PCDHGA4: variants seen among roughly 807,000 people sequenced by gnomAD.
The protein encoded by PCDHGA4 is protocadherin gamma-A4.
Under a neutral mutation model 54.6 loss-of-function variants are expected in PCDHGA4, and 38 were observed. The observed-to-expected ratio is 0.70, with a 90% CI of 0.54 to 0.91. The LOEUF (loss-of-function observed/expected upper bound fraction) is 0.91, where lower values mean the gene tolerates loss of function less well. Ranked by LOEUF, PCDHGA4 falls within the 40% of genes least tolerant of loss-of-function variation. The pLI is 0.00. For missense variants in PCDHGA4, 1,298 were observed against 1,220.9 expected (o/e 1.06, Z -0.94); for synonymous variants, 511 against 512.9 (o/e 1.00, Z 0.05).
chr5:141,442,796 T>G (rs909745554), intron 1 of PCDHGA4, among the ~76,000 whole-genome samples: 16 of 152,326 alleles, frequency 1.1e-4, no homozygotes, highest in African/African-American at 3.8e-4. Context: ...AATTTTACTT[T>G]GATATTCAAA....
At position 141,493,093 on chromosome 5, in the gene PCDHGA4, A is replaced by G. The variant is rs78102761; in HGVS notation, c.2515-1714A>G. On this transcript the variant is annotated intron_variant, in intron 1 of 3. Transcript: ENST00000571252. The surrounding 1 kb of genome is among the most constrained non-coding windows in gnomAD (Gnocchi z 4.3). ...CTCCAACTCCAGGAGCTTTTATTCA[A>G]AATATATCAATGCCTAACTCTGCTC... 0.034 allele frequency among the ~76,000 whole-genome samples: 5,198 copies of G among 152,282 alleles called. 159 individuals carry two copies. Among genetic ancestry groups the G allele is most frequent in the African/African-American group, 0.079 (3,275 of 41,546 alleles).
rs753051237 is a variant in PCDHGA4, at chr5:141,490,422, A to G, written c.2515-4385A>G. On this transcript the variant is annotated intron_variant, in intron 1 of 3. Coordinates refer to ENST00000571252, the MANE Select transcript of PCDHGA4 (RefSeq NM_018917.4). This position sits in a 1 kb window ranked among gnomAD's most constrained non-coding sequence, Gnocchi z 5.4. Reference sequence around the variant, plus strand: ...GCCTTGATATCTCTCCGGACCTGCCATTTCAGATTAAGCCTTCTGAGAACC... The same window carrying G: ...GCCTTGATATCTCTCCGGACCTGCCGTTTCAGATTAAGCCTTCTGAGAACC... 1 of 1,614,178 alleles carries G rather than the reference A, an allele frequency of 6.2e-7. No individual in the cohort carries two copies. The highest frequency in any genetic ancestry group is 1.7e-5 in the Admixed American group (1 of 60,030).
At chr5:141,508,961 A>C (rs991011427) in intron 3 of PCDHGA4, among the ~76,000 whole-genome samples, 2 of 151,978 alleles carry the variant, frequency 1.3e-5, no homozygotes, top group African/African-American at 4.8e-5. Context: ...TGTCAGCGGA[A>C]TGAAAGGGCT....
chr5:141,356,532 C>T lies in PCDHGA4; in HGVS notation c.1425C>T (p.Asp475=), dbSNP rs1367713554. The T allele has an allele frequency of 1.2e-6, 2 of 1,613,786 alleles. No homozygotes were observed. Among genetic ancestry groups the T allele is most frequent in the South Asian group, 2.2e-5 (2 of 91,080 alleles). ...CTCATATTTCACTGCAAGTGATGGA[C>T]ATCAATGACAACCCACCCACTTTCC... ...TETHISLQVM[D]INDNPPTFPH... is the part of the protein sequence containing the mutation. Residue 475 remains aspartate, a synonymous_variant, in exon 1 of 4, where the codon GAC becomes GAT. Transcript: ENST00000571252.
chr5:141,393,120 C>T lies in PCDHGA4; in HGVS notation c.2514+35499C>T, dbSNP rs142751758. The T allele has an allele frequency of 9.0e-3, 14,600 of 1,613,382 alleles. 101 individuals carry two copies. The highest frequency in any genetic ancestry group is 0.01 in the Non-Finnish European group (11,861 of 1,179,884). On this transcript the variant is annotated intron_variant, in intron 1 of 3. Transcript: ENST00000571252. ...GCTCTGCGCTCAGAGCCCGCGGTGT[C>T]TGATAAATATTAACACCCTGGTTGA...
rs765318875 is a variant in PCDHGA4 at position 141,489,896 on chromosome 5, C to A, written c.2515-4911C>A. On this transcript the variant is annotated intron_variant, in intron 1 of 3. Coordinates refer to ENST00000571252, the MANE Select transcript of PCDHGA4 (RefSeq NM_018917.4). This position sits in a 1 kb window ranked among gnomAD's most constrained non-coding sequence, Gnocchi z 4.5. ...GTGCTTACTGCTGTGGATGGGGGGA[C>A]CCCAGCCCGCTCAGGGACCACCCTT... 5 of 1,614,062 alleles carry A rather than the reference C, an allele frequency of 3.1e-6. No homozygotes were observed.
At chr5:141,370,444 T>C in intron 1 of PCDHGA4, 2 of 1,607,792 alleles carry the variant, frequency 1.2e-6, no homozygotes, top group Non-Finnish European at 1.7e-6. Context: ...AGGCGAATGC[T>C]ATTTCTCTTC....
rs767515334 is a variant in PCDHGA4, at chr5:141,403,753, C to A, written c.2514+46132C>A. ...CCTGGCTGCTTACTGCAACAGCCAG[C>A]GACCTGGATGAGGGAATCAACGGAA... is the stretch of plus-strand genomic sequence containing the variant. On this transcript the variant is annotated intron_variant, in intron 1 of 3. Transcript: ENST00000571252. The A allele has an allele frequency of 1.9e-6, 3 of 1,613,502 alleles. No individual in the cohort carries two copies. The Admixed American group carries it at 5.0e-5, about 27-fold the overall frequency.
intron 1 of PCDHGA4, chr5:141,377,269 TG>T (rs1449007533): frequency 2.1e-5 from 3 of 142,478 alleles, no homozygotes; most frequent in Non-Finnish European, 4.5e-5. Context: ...TTTTCTAATG[TG>T]GGAAAAAAAA....
Position 141,476,646 on chromosome 5 carries a change from A to G in PCDHGA4, c.2515-18161A>G, listed in dbSNP as rs771366262. 1.9e-6 allele frequency: 3 copies of G among 1,614,132 alleles called. No homozygotes were observed. The highest frequency in any genetic ancestry group is 1.7e-5 in the Admixed American group (1 of 60,010). ...TTACAAACCTATGAGCTGAGCCGAA[A>G]TGAATACTTTGCGCTTCGCGTGCAG... On this transcript the variant is annotated intron_variant, in intron 1 of 3. Transcript: ENST00000571252. This position sits in a 1 kb window ranked among gnomAD's most constrained non-coding sequence, Gnocchi z 7.6.
intron 1 of PCDHGA4, chr5:141,364,735 T>G (rs1763510715): frequency 1.2e-6 from 2 of 1,613,916 alleles, no homozygotes; most frequent in Non-Finnish European, 1.7e-6. Context: ...GTTTCCGGGA[T>G]GAAGAGTTAA....
chr5:141,413,530 A>G (rs879218343), intron 1 of PCDHGA4: 1 of 1,613,954 alleles, frequency 6.2e-7, no homozygotes, highest in Non-Finnish European at 8.5e-7. Context: ...AGACAGGGTG[A>G]AACTTTTTGG....
At chr5:141,464,729 G>T (rs1412585185) in intron 1 of PCDHGA4, among the ~76,000 whole-genome samples, 1 of 151,948 alleles carries the variant, frequency 6.6e-6, no homozygotes, top group Non-Finnish European at 1.5e-5. Context: ...ATGTTTAAAA[G>T]CCAGTTTATA....
Position 141,490,055 on chromosome 5 carries a change from G to A in PCDHGA4, c.2515-4752G>A, listed in dbSNP as rs746297447. The A allele has an allele frequency of 1.9e-6, 3 of 1,614,068 alleles. No individual in the cohort carries two copies. The Admixed American group carries it at 5.0e-5, about 27-fold the overall frequency. On this transcript the variant is annotated intron_variant, in intron 1 of 3. Transcript: ENST00000571252. This position sits in a 1 kb window ranked among gnomAD's most constrained non-coding sequence, Gnocchi z 5.4. ...CTCAATGCCACTGATCCAGACGAGG[G>A]CACCAACGGCCAACTAGACTATTCT...
At chr5:141,482,901 A>T (rs192886570) in intron 1 of PCDHGA4, among the ~76,000 whole-genome samples, 2 of 152,240 alleles carry the variant, frequency 1.3e-5, no homozygotes, top group African/African-American at 4.8e-5. Flanking sequence ...GTGAAACCTC[A>T]TCTCTATTAA....
chr5:141,365,129 A>G, intron 1 of PCDHGA4: 1 of 1,613,908 alleles, frequency 6.2e-7, no homozygotes, highest in Non-Finnish European at 8.5e-7. Context: ...GCTAACCGCC[A>G]CGGATCCAGA....
At chr5:141,457,607 T>C (rs578113551) in intron 1 of PCDHGA4, among the ~76,000 whole-genome samples, 2 of 152,360 alleles carry the variant, frequency 1.3e-5, no homozygotes, top group African/African-American at 4.8e-5. Context: ...AAACTAATTA[T>C]GAATGAACTT....
chr5:141,366,655 C>T (rs761615702), intron 1 of PCDHGA4: 7 of 1,614,102 alleles, frequency 4.3e-6, no homozygotes, highest in African/African-American at 2.7e-5. Context: ...AGCCCAACTA[C>T]GCAGACACGC....
chr5:141,405,364 C>G, intron 1 of PCDHGA4: 1 of 1,613,548 alleles, frequency 6.2e-7, no homozygotes, highest in Non-Finnish European at 8.5e-7. Context: ...TAGAAGACAC[C>G]CCTTTGGTTC....
Sources: allele counts gnomAD v4.1 joint callset (sites outside exome capture counted in the v4.1 genomes callset), GRCh38; gene constraint gnomAD v4.1.1; non-coding constraint Gnocchi (gnomAD v3.1); transcripts MANE v1.5; gene names NCBI Gene and HGNC (gene_info 2026-07-23, HGNC 2026-07-21).